STPG2: variants seen among roughly 807,000 people sequenced by gnomAD.
STPG2 encodes the protein sperm-tail PG-rich repeat-containing protein 2.
A neutral mutation model predicts 54.2 loss-of-function variants in STPG2; 56 were observed. The ratio of observed to expected loss-of-function variants is 1.03; its 90% CI spans 0.83 to 1.29. STPG2 has a LOEUF of 1.29. STPG2 is among the 50% of genes most tolerant of loss of function. The pLI is 0.00. For synonymous variants in STPG2, 200 were observed against 181.8 expected (o/e 1.10, Z -0.81); for missense variants, 596 against 544.9 (o/e 1.09, Z -0.93).
intron 10 of STPG2, among the ~76,000 whole-genome samples, chr4:97,586,489 C>A (rs1473706374): frequency 1.3e-5 from 2 of 151,848 alleles, no homozygotes; most frequent in Non-Finnish European, 2.9e-5. Flanking sequence ...AAACTCCAAA[C>A]AGGATAAACT....
At chr4:97,897,286 A>G (rs905135174) in intron 8 of STPG2, among the ~76,000 whole-genome samples, 1 of 151,796 alleles carries the variant, frequency 6.6e-6, no homozygotes, top group African/African-American at 2.4e-5. Flanking sequence ...TACGTACCCC[A>G]TTTTTTATCC....
rs184407798 is a variant in STPG2, at chr4:97,932,448, G to T, written c.1044+11449C>A. On this transcript the variant is annotated intron_variant, in intron 8 of 10. Transcript: ENST00000295268. ...TAAAAGTGTGCCATGTTGGCTTGCTGCACCTATCTACTCATCAACTAGGTA... is the reference window on the plus strand; with the variant it reads ...TAAAAGTGTGCCATGTTGGCTTGCTTCACCTATCTACTCATCAACTAGGTA... 4.2e-3 allele frequency among the ~76,000 whole-genome samples: 643 copies of T among 152,190 alleles called. 3 individuals carry two copies. The highest frequency in any genetic ancestry group is 0.024 in the South Asian group (117 of 4,818).
chr4:97,710,670 A>G (rs1241395742), intron 10 of STPG2, among the ~76,000 whole-genome samples: 1 of 152,120 alleles, frequency 6.6e-6, no homozygotes, highest in African/African-American at 2.4e-5. Context: ...TAAAGTCATG[A>G]GAGACTGTCA....
At chr4:97,563,858 A>T (rs528316905) in intron 10 of STPG2, among the ~76,000 whole-genome samples, 2 of 152,236 alleles carry the variant, frequency 1.3e-5, no homozygotes, top group Non-Finnish European at 2.9e-5. Context: ...TTTACTTCTA[A>T]TGATGTGGTC....
At chr4:97,549,601 T>C (rs1031493101) in intron 4 of STPG2, among the ~76,000 whole-genome samples, 1 of 152,114 alleles carries the variant, frequency 6.6e-6, no homozygotes, top group Non-Finnish European at 1.5e-5. Context: ...GCAGGTATAA[T>C]TCAGGTGAGC....
At chr4:97,551,800 G>A (rs532747076) in intron 4 of STPG2, among the ~76,000 whole-genome samples, 11 of 152,206 alleles carry the variant, frequency 7.2e-5, no homozygotes, top group African/African-American at 2.6e-4. Context: ...TTTGACAATT[G>A]TTAAGTATAC....
intron 4 of STPG2, among the ~76,000 whole-genome samples, chr4:97,456,562 A>G (rs371480346): frequency 5.5e-4 from 84 of 152,302 alleles, no homozygotes; most frequent in Middle Eastern, 3.4e-3. Context: ...GGAATGTTAT[A>G]CAAAATATAC....
chr4:98,141,465 TC>T (rs1740278745), intron 1 of STPG2, among the ~76,000 whole-genome samples: 1 of 152,194 alleles, frequency 6.6e-6, no homozygotes, highest in Admixed American at 6.5e-5. Context: ...AAACTTGGTC[TC>T]CACAATCCTG....
intron 7 of STPG2, among the ~76,000 whole-genome samples, chr4:97,965,389 A>G (rs1734059361): frequency 6.6e-6 from 1 of 152,214 alleles, no homozygotes; most frequent in African/African-American, 2.4e-5. Context: ...TACTGCCTCT[A>G]TAGACTCCAC....
intron 7 of STPG2, among the ~76,000 whole-genome samples, chr4:97,944,295 A>G (rs931928311): frequency 1.3e-5 from 2 of 152,004 alleles, no homozygotes; most frequent in African/African-American, 4.8e-5. Context: ...ATAACCAGCA[A>G]GTTCTGTCTC....
intron 5 of STPG2, 92 bp downstream of exon 5, chr4:98,105,861 C>T (rs1461521955): frequency 1.8e-6 from 2 of 1,101,206 alleles, no homozygotes; most frequent in Non-Finnish European, 2.6e-6. Flanking sequence ...CTATCAGGCA[C>T]ATTAGATCAA....
chr4:97,866,468 T>C (rs1729784513), intron 8 of STPG2, among the ~76,000 whole-genome samples: 1 of 152,104 alleles, frequency 6.6e-6, no homozygotes, highest in East Asian at 1.9e-4. Context: ...GATATCCTTC[T>C]TAATGAAGTA....
intron 10 of STPG2, among the ~76,000 whole-genome samples, chr4:97,693,265 A>C (rs1234642246): frequency 6.6e-6 from 1 of 152,186 alleles, no homozygotes; most frequent in Non-Finnish European, 1.5e-5. Flanking sequence ...GAATGGCAGA[A>C]TGAGTAAGAA....
chr4:97,811,189 A>G (rs1727729246), intron 9 of STPG2, among the ~76,000 whole-genome samples: 2 of 152,074 alleles, frequency 1.3e-5, no homozygotes, highest in South Asian at 4.2e-4. Flanking sequence ...TTAGGCGGTT[A>G]GTTTACTTAA....
intron 8 of STPG2, among the ~76,000 whole-genome samples, chr4:97,866,788 G>A (rs1488953004): frequency 6.6e-6 from 1 of 151,898 alleles, no homozygotes; most frequent in Non-Finnish European, 1.5e-5. Context: ...GTATTCAAAT[G>A]CATTTGTGTA....
chr4:97,765,770 C>T (rs1196505820), intron 9 of STPG2, among the ~76,000 whole-genome samples: 1 of 152,136 alleles, frequency 6.6e-6, no homozygotes, highest in African/African-American at 2.4e-5. Context: ...CAATTAAAGA[C>T]TTTGAACTTC....
intron 5 of STPG2, among the ~76,000 whole-genome samples, chr4:98,087,754 GTTTCA>G (rs962120761): frequency 6.6e-6 from 1 of 151,804 alleles, no homozygotes; most frequent in Non-Finnish European, 1.5e-5. Context: ...TAGAGACGGG[GTTTCA>G]CCGTGTTAGC....
rs766907171 is a variant in STPG2 at position 97,943,914 on chromosome 4, T to C, written c.1027A>G (p.Met343Val). The change falls in exon 8 of 11, where the codon ATG becomes GTG. Residue 343 changes from methionine to valine, a missense_variant. Coordinates refer to ENST00000295268, the MANE Select transcript of STPG2 (RefSeq NM_174952.3). ...ATTCTTACCATATCTGGTACTTTCA[T>C]AGTTCTTTTGGCTCTTGACAAGAAA... The part of the protein sequence containing the change: ...AAFLSRAKRT[M>V]KVPDMVIPAP... 30 of 1,583,492 alleles carry C rather than the reference T, an allele frequency of 1.9e-5. No homozygotes were observed. The highest frequency in any genetic ancestry group is 9.6e-5 in the Admixed American group (5 of 52,030).
At chr4:97,578,886 C>T (rs1732790969) in intron 10 of STPG2, among the ~76,000 whole-genome samples, 1 of 152,024 alleles carries the variant, frequency 6.6e-6, no homozygotes, top group African/African-American at 2.4e-5. Context: ...AGTCAGGCCT[C>T]CACTGGCTAG....
Sources: gnomAD v4.1 joint callset for allele counts (sites outside exome capture counted in the v4.1 genomes callset) on GRCh38, gnomAD v4.1.1 for gene constraint, MANE v1.5 for transcripts, NCBI Gene and HGNC (gene_info 2026-07-23, HGNC 2026-07-21) for gene names.